TBC1D5: variants seen among roughly 807,000 people sequenced by gnomAD.
The protein encoded by TBC1D5 is TBC1 domain family, member 5.
A neutral mutation model predicts 100.3 loss-of-function variants in TBC1D5; 75 were observed. The ratio of observed to expected loss-of-function variants is 0.75; its 90% confidence interval spans 0.62 to 0.91. The LOEUF is 0.91. Among genes scored for constraint, TBC1D5 ranks in the 40% least tolerant of loss-of-function variants. The probability of loss-of-function intolerance (pLI) is 0.00; values close to 1 mark genes in which losing one functional copy is unlikely to be tolerated. For missense variants in TBC1D5, 910 were observed against 942.4 expected, an observed-to-expected ratio of 0.97 and a Z score of 0.45; for synonymous variants, 323 against 325.6, an observed-to-expected ratio of 0.99 and a Z score of 0.09.
intron 2 of TBC1D5, among the ~76,000 whole-genome samples, chr3:17,569,784 T>C (rs2096615346): frequency 6.6e-6 from 1 of 151,248 alleles, no homozygotes; most frequent in African/African-American, 2.4e-5. Flanking sequence ...TATTTGTAAA[T>C]ATATAAATAC....
chr3:17,684,197 A>G (rs2069925363), intron 1 of TBC1D5, among the ~76,000 whole-genome samples: 1 of 152,126 alleles, frequency 6.6e-6, no homozygotes, highest in Non-Finnish European at 1.5e-5. Flanking sequence ...AAAGACACAG[A>G]TATGTATGAC....
At chr3:17,612,349 C>T in intron 2 of TBC1D5, among the ~76,000 whole-genome samples, 1 of 149,718 alleles carries the variant, frequency 6.7e-6, no homozygotes, top group Non-Finnish European at 1.5e-5. Context: ...TGAGTAGAGG[C>T]TAGGCGCGGT....
chr3:17,399,454 G>T (rs1004231794), intron 8 of TBC1D5, among the ~76,000 whole-genome samples: 3 of 152,034 alleles, frequency 2.0e-5, no homozygotes, highest in Non-Finnish European at 4.4e-5. Flanking sequence ...TTTGTATTTT[G>T]AAACATAAAA....
chr3:17,526,305 A>C (rs1012629999), intron 2 of TBC1D5, among the ~76,000 whole-genome samples: 2 of 152,044 alleles, frequency 1.3e-5, no homozygotes, highest in Middle Eastern at 3.2e-3. Context: ...GCACTCTCCA[A>C]CTCCTAGACT....
chr3:17,234,090 T>G (rs1425185265), intron 17 of TBC1D5, among the ~76,000 whole-genome samples: 1 of 152,106 alleles, frequency 6.6e-6, no homozygotes, highest in Non-Finnish European at 1.5e-5. Flanking sequence ...CATCCAAAAG[T>G]AAGTTATATG....
chr3:17,165,209 G>C, intron 21 of TBC1D5, among the ~76,000 whole-genome samples: 1 of 152,124 alleles, frequency 6.6e-6, no homozygotes, highest in Non-Finnish European at 1.5e-5. Context: ...GTCATTGGTA[G>C]GTTCTTATAA....
intron 17 of TBC1D5, among the ~76,000 whole-genome samples, chr3:17,226,305 C>T (rs1224424794): frequency 2.2e-5 from 3 of 134,226 alleles, no homozygotes; most frequent in Admixed American, 7.6e-5. Flanking sequence ...AAGTTCTCTA[C>T]ATACCTTTTT....
At chr3:17,325,323 CTTT>C (rs35423622) in intron 13 of TBC1D5, among the ~76,000 whole-genome samples, 1 of 124,062 alleles carries the variant, frequency 8.1e-6, no homozygotes. Context: ...ATGGATGAAT[CTTT>C]TTTTTTTTTT....
intron 14 of TBC1D5, among the ~76,000 whole-genome samples, chr3:17,304,865 T>G (rs2083242506): frequency 7.3e-6 from 1 of 136,056 alleles, no homozygotes; most frequent in African/African-American, 3.0e-5. Context: ...TGCACTGTCC[T>G]CTAGCTACAT....
At chr3:17,523,289 C>T (rs904274888) in intron 2 of TBC1D5, among the ~76,000 whole-genome samples, 10 of 152,080 alleles carry the variant, frequency 6.6e-5, no homozygotes, top group African/African-American at 2.4e-4. Flanking sequence ...TGTACAATGG[C>T]ATGGGGAAAG....
At chr3:17,519,787 G>T (rs1417215527) in intron 2 of TBC1D5, among the ~76,000 whole-genome samples, 1 of 152,154 alleles carries the variant, frequency 6.6e-6, no homozygotes, top group Non-Finnish European at 1.5e-5. Context: ...TATGTCGTAG[G>T]AATAGATATG....
chr3:17,661,420 T>C (rs1411548060), intron 1 of TBC1D5, among the ~76,000 whole-genome samples: 1 of 152,228 alleles, frequency 6.6e-6, no homozygotes, highest in Non-Finnish European at 1.5e-5. Flanking sequence ...TGCTTCTGTA[T>C]TGGTAGATAT....
At chr3:17,253,416 T>C (rs528347729) in intron 16 of TBC1D5, among the ~76,000 whole-genome samples, 3 of 152,344 alleles carry the variant, frequency 2.0e-5, no homozygotes, top group South Asian at 4.1e-4. Context: ...TTAACCAATT[T>C]AGGTAAAACA....
At chr3:17,262,793 T>G (rs1032585514) in intron 15 of TBC1D5, among the ~76,000 whole-genome samples, 1 of 152,128 alleles carries the variant, frequency 6.6e-6, no homozygotes, top group Non-Finnish European at 1.5e-5. Flanking sequence ...CAATGTATTT[T>G]TTTTTTAAAT....
intron 3 of TBC1D5, among the ~76,000 whole-genome samples, chr3:17,449,526 T>C (rs1392676334): frequency 6.6e-6 from 1 of 152,190 alleles, no homozygotes; most frequent in Non-Finnish European, 1.5e-5. Context: ...GAAGTCGACC[T>C]GGGATACTCA....
At chr3:17,651,575 C>T (rs565390915) in intron 1 of TBC1D5, among the ~76,000 whole-genome samples, 2 of 152,158 alleles carry the variant, frequency 1.3e-5, no homozygotes, top group African/African-American at 2.4e-5. Flanking sequence ...GTCGGGCATG[C>T]GCCTGTGATC....
At chr3:17,646,595 A>G (rs1383551743) in intron 1 of TBC1D5, among the ~76,000 whole-genome samples, 1 of 152,104 alleles carries the variant, frequency 6.6e-6, no homozygotes, top group Non-Finnish European at 1.5e-5. Context: ...TTTTACATCA[A>G]TAATCTGGTT....
chr3:17,433,968 C>T (rs2094490560), intron 3 of TBC1D5, among the ~76,000 whole-genome samples: 1 of 152,206 alleles, frequency 6.6e-6, no homozygotes, highest in Admixed American at 6.5e-5. Flanking sequence ...AAATGATCTA[C>T]TTTGACTCCA....
At chr3:17,208,116 G>A (rs2072474493) in intron 18 of TBC1D5, among the ~76,000 whole-genome samples, 1 of 152,240 alleles carries the variant, frequency 6.6e-6, no homozygotes, top group Non-Finnish European at 1.5e-5. Context: ...TTGGATCCAT[G>A]TATGGTAGGT....
Sources: gnomAD v4.1 joint callset for allele counts (sites outside exome capture counted in the v4.1 genomes callset) on GRCh38, gnomAD v4.1.1 for gene constraint, MANE v1.5 for transcripts, NCBI Gene and HGNC (gene_info 2026-07-23, HGNC 2026-07-21) for gene names.